The following PCDHA4 variants were observed in gnomAD, a reference collection of about 807,000 sequenced individuals.
The protein encoded by PCDHA4 is protocadherin alpha-4.
A neutral mutation model predicts 61.4 loss-of-function variants in PCDHA4; 49 were observed. The ratio of observed to expected loss-of-function variants is 0.80; its 90% CI spans 0.63 to 1.01. PCDHA4 has a LOEUF of 1.01. Among genes scored for constraint, PCDHA4 ranks in the 50% least tolerant of loss-of-function variants. PCDHA4 has a pLI of 0.00. For missense variants in PCDHA4, 1,254 were observed against 1,235.8 expected (o/e 1.01, Z -0.22); for synonymous variants, 590 against 550.3 (o/e 1.07, Z -1.01).
chr5:140,807,546 A>G lies in PCDHA4; in HGVS notation c.359A>G (p.Asp120Gly), dbSNP rs782531959. ...AGGCCGCTGCAGGTTTTCCATGTGG[A>G]CGTGGAGGTGAGGGACATTAACGAT... Reference protein sequence around the residue: ...VDRPLQVFHVDVEVRDINDNP... With the variant: ...VDRPLQVFHVGVEVRDINDNP... The change falls in exon 1 of 4, where the codon GAC (aspartate) becomes GGC (glycine). Residue 120 changes from aspartate to glycine, a missense_variant. By Grantham distance (94) the Asp-to-Gly change is moderately conservative. Transcript: ENST00000530339. The G allele has an allele frequency of 6.8e-6, 11 of 1,614,016 alleles. No individual in the cohort carries two copies. The highest frequency in any genetic ancestry group is 1.3e-5 in the African/African-American group (1 of 74,916).
intron 1 of PCDHA4, among the ~76,000 whole-genome samples, chr5:140,873,389 T>C (rs2054266406): frequency 6.6e-6 from 1 of 152,220 alleles, no homozygotes; most frequent in Admixed American, 6.5e-5. Flanking sequence ...GACTTGGGAA[T>C]GTTTTCAGTA....
At chr5:140,967,768 T>C in intron 1 of PCDHA4, 4 of 1,614,182 alleles carry the variant, frequency 2.5e-6, no homozygotes, top group African/African-American at 1.3e-5. Flanking sequence ...ACCAGATCTA[T>C]GTGCAGGCGA....
intron 1 of PCDHA4, chr5:140,812,147 T>TTTGTTGGTGTTGTTG (rs1765044275): frequency 6.6e-6 from 1 of 150,790 alleles, no homozygotes; most frequent in Non-Finnish European, 1.5e-5. Flanking sequence ...GTTTTGGGCT[T>TTTGTTGGTGTTGTTG]TTGTTGTTGT....
chr5:140,844,872 C>G (rs925437719), intron 1 of PCDHA4, among the ~76,000 whole-genome samples: 1 of 148,974 alleles, frequency 6.7e-6, no homozygotes, highest in Non-Finnish European at 1.5e-5. Flanking sequence ...TATTAAATAC[C>G]CATTAGACTT....
chr5:140,848,947 G>T lies in PCDHA4; in HGVS notation c.2385+39375G>T, dbSNP rs201305186. ...GCGGAATCCAGGCCGCTTGACTCTC[G>T]GTTTCCACTAGAGGGCGCGTCCGAT... is the stretch of plus-strand genomic sequence containing the variant. On this transcript the variant is annotated intron_variant, in intron 1 of 3. Coordinates refer to ENST00000530339, the MANE Select transcript of PCDHA4 (RefSeq NM_018907.4). 2.7e-4 allele frequency: 426 copies of T among 1,606,834 alleles called. 2 individuals are homozygous for T. The highest frequency in any genetic ancestry group is 3.5e-4 in the Non-Finnish European group (408 of 1,176,678).
chr5:140,935,242 A>G (rs1054515711), intron 1 of PCDHA4, among the ~76,000 whole-genome samples: 16 of 152,218 alleles, frequency 1.1e-4, no homozygotes, highest in African/African-American at 3.6e-4. Context: ...ATTTTTTAAA[A>G]GATAAAATAC....
chr5:140,909,575 G>A (rs114329297), intron 1 of PCDHA4, among the ~76,000 whole-genome samples: 373 of 152,290 alleles, frequency 2.4e-3, no homozygotes, highest in African/African-American at 8.5e-3. Context: ...CCAGAGATGT[G>A]ATATGTTTTT....
At chr5:140,814,663 CAT>C (rs1409985275) in intron 1 of PCDHA4, 3 of 151,344 alleles carry the variant, frequency 2.0e-5, no homozygotes, top group African/African-American at 7.4e-5. Context: ...TCACCACAAA[CAT>C]GTGAGTAATG....
At chr5:140,830,044 G>A in intron 1 of PCDHA4, 1 of 1,613,812 alleles carries the variant, frequency 6.2e-7, no homozygotes, top group East Asian at 2.2e-5. Flanking sequence ...TGGTGCTGGT[G>A]AAAGACCACG....
At position 140,830,355 on chromosome 5, in the gene PCDHA4, G is replaced by T. The variant is rs2150185270; in HGVS notation, c.2385+20783G>T. The T allele has an allele frequency of 1.8e-5, 29 of 1,614,002 alleles. No individual in the cohort carries two copies. The African/African-American group carries it at 2.7e-4, about 15-fold the overall frequency. ...AGCTGGTCGTACTCGCAGCAGAGGC[G>T]GCAGAGGGTGTGCTCCGGGGAGGGC... On this transcript the variant is annotated intron_variant, in intron 1 of 3. Coordinates refer to ENST00000530339, the MANE Select transcript of PCDHA4 (RefSeq NM_018907.4).
At chr5:140,824,998 G>C (rs2150137892) in intron 1 of PCDHA4, 3 of 151,664 alleles carry the variant, frequency 2.0e-5, no homozygotes, top group Admixed American at 1.3e-4. Context: ...ACATATACAT[G>C]GTTTACTGTT....
chr5:140,919,648 G>A (rs1482168238), intron 1 of PCDHA4, among the ~76,000 whole-genome samples: 7 of 151,936 alleles, frequency 4.6e-5, no homozygotes, highest in Non-Finnish European at 7.4e-5. Flanking sequence ...TTTCTCTAGA[G>A]TTTACCATAT....
chr5:140,869,613 C>T (rs369176341), intron 1 of PCDHA4: 402 of 1,613,826 alleles, frequency 2.5e-4, no homozygotes, highest in Non-Finnish European at 3.3e-4. Context: ...TATTGACCTA[C>T]AGGCTAAGTA....
rs183895134 is a variant in PCDHA4, at chr5:140,837,381, G to A, written c.2385+27809G>A. Among the ~76,000 whole-genome samples the A allele has an allele frequency of 4.0e-3, 608 of 151,774 alleles. 11 individuals carry two copies. Among genetic ancestry groups the A allele is most frequent in the African/African-American group, 0.014 (587 of 41,372 alleles). On this transcript the variant is annotated intron_variant, in intron 1 of 3. Transcript: ENST00000530339. ...GCAGTTTAATAGTATTTTTTATTTTGTTCCTTGTTTGTATAAGAAATATAT... is the reference window on the plus strand; with the variant it reads ...GCAGTTTAATAGTATTTTTTATTTTATTCCTTGTTTGTATAAGAAATATAT...
At chr5:140,848,167 C>G (rs1554142004) in intron 1 of PCDHA4, 1 of 254,352 alleles carries the variant, frequency 3.9e-6, no homozygotes, top group African/African-American at 2.2e-5. Flanking sequence ...TAAGAAGGCT[C>G]CAGCAAGAGA....
chr5:140,941,173 A>G (rs1235741316), intron 1 of PCDHA4, among the ~76,000 whole-genome samples: 5 of 135,522 alleles, frequency 3.7e-5, no homozygotes, highest in Non-Finnish European at 4.9e-5. Flanking sequence ...CCCCATCTTG[A>G]ACATCCTGCT....
rs1181664726 is a variant in PCDHA4 at position 140,982,480 on chromosome 5, T to C, written c.2450T>C (p.Val817Ala). ...GGGTCTGTGTGTTTATTCAGCTCTG[T>C]GCACCTAGAGGAGGCTGGCATTCTA... ...ASLRAGMHSS[V>A]HLEEAGILRA... is the part of the protein sequence containing the mutation. The change falls in exon 3 of 4, where the codon GTG (valine) becomes GCG (alanine). Residue 817 changes from valine (V) to alanine (A), a missense_variant. Coordinates refer to ENST00000530339, the MANE Select transcript of PCDHA4 (RefSeq NM_018907.4). 5.0e-6 allele frequency: 8 copies of C among 1,614,216 alleles called. No individual in the cohort carries two copies. Among genetic ancestry groups the C allele is most frequent in the Non-Finnish European group, 6.8e-6 (8 of 1,180,038 alleles).
chr5:140,983,334 T>A (rs1314550664), intron 3 of PCDHA4, among the ~76,000 whole-genome samples: 1 of 152,234 alleles, frequency 6.6e-6, no homozygotes, highest in African/African-American at 2.4e-5. Context: ...GCCCTATCAC[T>A]AAAGCAGGGT....
chr5:140,883,031 G>A, intron 1 of PCDHA4: 1 of 1,614,078 alleles, frequency 6.2e-7, no homozygotes, highest in Non-Finnish European at 8.5e-7. Flanking sequence ...GTTAGAGAAC[G>A]CCTTCAATGG....
Sources: gnomAD v4.1 joint callset for allele counts (sites outside exome capture counted in the v4.1 genomes callset) on GRCh38, gnomAD v4.1.1 for gene constraint, MANE v1.5 for transcripts, NCBI Gene and HGNC (gene_info 2026-07-23, HGNC 2026-07-21) for gene names.